XKR6: variants seen among roughly 807,000 people sequenced by gnomAD.
XKR6 encodes the protein XK related 6, also known as XK-related protein 6.
A neutral mutation model predicts 56.7 loss-of-function variants in XKR6; 22 were observed. The ratio of observed to expected loss-of-function variants is 0.39; its 90% confidence interval spans 0.28 to 0.55. The LOEUF (loss-of-function observed/expected upper bound fraction) is 0.55, where lower values mean the gene tolerates loss of function less well. Ranked by LOEUF, XKR6 falls within the 20% of genes least tolerant of loss-of-function variation. The pLI is 0.66. For missense variants in XKR6, 852 were observed against 889.0 expected (o/e 0.96, Z 0.53); for synonymous variants, 524 against 387.8 (o/e 1.35, Z -4.13).
intron 1 of XKR6, among the ~76,000 whole-genome samples, chr8:10,955,502 A>G (rs979711881): frequency 2.0e-5 from 3 of 152,126 alleles, no homozygotes; most frequent in Non-Finnish European, 4.4e-5. Flanking sequence ...TCAAGGTAAC[A>G]TTTCTGCAGT....
chr8:11,137,072 T>C (rs1240534576), intron 1 of XKR6: 1 of 153,544 alleles, frequency 6.5e-6, no homozygotes, highest in Non-Finnish European at 1.4e-5. Context: ...GTGCGTGAAA[T>C]TTGTAAATAA....
chr8:10,956,445 G>C (rs1215285659), intron 1 of XKR6, among the ~76,000 whole-genome samples: 2 of 152,152 alleles, frequency 1.3e-5, no homozygotes, highest in Admixed American at 1.3e-4. Flanking sequence ...CTACCCCTTA[G>C]AGAGGTTCCC....
In XKR6 at chr8:11,096,355, A is replaced by T. The variant is rs543178676; in HGVS notation, c.764+104221T>A. 1.6e-4 allele frequency among the ~76,000 whole-genome samples: 25 copies of T among 152,338 alleles called. No homozygotes were observed. The South Asian group carries it at 5.0e-3, about 30-fold the overall frequency. ...CAAATACTTTTAAATCTTATCTCAAAATTTGGTGGAACATTCAAATAGTTT... is the reference window on the plus strand; with the variant it reads ...CAAATACTTTTAAATCTTATCTCAATATTTGGTGGAACATTCAAATAGTTT... On this transcript the variant is annotated intron_variant, in intron 1 of 2. Coordinates refer to ENST00000416569, the MANE Select transcript of XKR6 (RefSeq NM_173683.4).
At chr8:10,960,451 TTAAAG>T (rs1802029518) in intron 1 of XKR6, among the ~76,000 whole-genome samples, 1 of 152,326 alleles carries the variant, frequency 6.6e-6, no homozygotes, top group African/African-American at 2.4e-5. Context: ...AGGAAAATGA[TTAAAG>T]TAAGAGAGAC....
intron 1 of XKR6, among the ~76,000 whole-genome samples, chr8:11,059,878 A>G (rs1374005459): frequency 6.6e-6 from 1 of 152,146 alleles, no homozygotes; most frequent in African/African-American, 2.4e-5. Context: ...TGGCACCTAA[A>G]AAACAACGCT....
intron 1 of XKR6, among the ~76,000 whole-genome samples, chr8:11,074,129 C>G (rs553108109): frequency 1.3e-5 from 2 of 152,368 alleles, no homozygotes; most frequent in East Asian, 3.9e-4. Flanking sequence ...AGCTTTGAGC[C>G]TATTCTTAGA....
chr8:10,914,898 A>G (rs1358751155), intron 2 of XKR6, among the ~76,000 whole-genome samples: 6 of 152,146 alleles, frequency 3.9e-5, no homozygotes, highest in Non-Finnish European at 8.8e-5. Context: ...CCCTTTGCTC[A>G]AGGCCTTTGT....
At position 11,050,347 on chromosome 8, in the gene XKR6, C is replaced by A. The variant is rs1423934443; in HGVS notation, c.765-125517G>T. ...CCTGGTTGGAGCGAGTCACTTCGTC[C>A]CTCCAAGCCCCACGATCTCCTCATC... On this transcript the variant is annotated intron_variant, in intron 1 of 2. Transcript: ENST00000416569. Among the ~76,000 whole-genome samples, 4 of 148,016 alleles carry A rather than the reference C, an allele frequency of 2.7e-5. No homozygotes were observed. In the East Asian group the frequency reaches 6.6e-4, roughly 24 times the overall value.
rs533587997 is a variant in XKR6, at chr8:11,005,846, T to C, written c.765-81016A>G. The stretch of plus-strand genomic sequence containing the variant: ...AAAAATATTTTTTCTTTCTTTCTTT[T>C]TTTTTTTTTTTTTTTGAGATGGAGT... On this transcript the variant is annotated intron_variant, in intron 1 of 2. Transcript: ENST00000416569. Among the ~76,000 whole-genome samples, 979 of 146,148 alleles carry C rather than the reference T, an allele frequency of 6.7e-3. 7 individuals are homozygous for C. Among genetic ancestry groups the C allele is most frequent in the African/African-American group, 0.023 (924 of 39,904 alleles).
intron 1 of XKR6, among the ~76,000 whole-genome samples, chr8:11,032,808 G>C (rs1351734771): frequency 1.3e-5 from 2 of 152,204 alleles, no homozygotes; most frequent in African/African-American, 4.8e-5. Flanking sequence ...CTCCTGAGAA[G>C]ACTAAAGGAG....
At chr8:11,055,815 G>T (rs551644460) in intron 1 of XKR6, among the ~76,000 whole-genome samples, 2 of 152,004 alleles carry the variant, frequency 1.3e-5, no homozygotes, top group Admixed American at 6.5e-5. Context: ...GAAAGCCATG[G>T]GTCGGGGGTG....
At chr8:11,155,345 G>A (rs900144998) in intron 1 of XKR6, among the ~76,000 whole-genome samples, 13 of 152,074 alleles carry the variant, frequency 8.5e-5, no homozygotes, top group Non-Finnish European at 1.6e-4. Flanking sequence ...AAACTGAAGG[G>A]AAAAATTTGT....
chr8:10,962,807 G>C (rs1274998990), intron 1 of XKR6, among the ~76,000 whole-genome samples: 1 of 151,996 alleles, frequency 6.6e-6, no homozygotes, highest in Admixed American at 6.6e-5. Flanking sequence ...ATTTTTAGTA[G>C]AGATGGGGTC....
chr8:10,970,293 G>A (rs1427580874), intron 1 of XKR6, among the ~76,000 whole-genome samples: 1 of 152,190 alleles, frequency 6.6e-6, no homozygotes, highest in African/African-American at 2.4e-5. Flanking sequence ...TAGGGGATGG[G>A]TACTGAGGTC....
intron 1 of XKR6, among the ~76,000 whole-genome samples, chr8:10,995,525 C>T (rs56052312): frequency 0.47 from 68,513 of 146,882 alleles, 20,058 homozygotes; most frequent in African/African-American, 0.83. Flanking sequence ...CACACACACA[C>T]ATATATATAT....
At chr8:11,059,921 G>C (rs1586490324) in intron 1 of XKR6, among the ~76,000 whole-genome samples, 2 of 152,218 alleles carry the variant, frequency 1.3e-5, no homozygotes, top group East Asian at 3.9e-4. Context: ...CAGGATGGGT[G>C]TTAGGCATTT....
At chr8:11,184,420 CTTA>C (rs1169941011) in intron 1 of XKR6, among the ~76,000 whole-genome samples, 1 of 145,590 alleles carries the variant, frequency 6.9e-6, no homozygotes, top group East Asian at 2.0e-4. Flanking sequence ...CACACACACA[CTTA>C]TATTACATTT....
intron 1 of XKR6, among the ~76,000 whole-genome samples, chr8:11,029,328 C>T (rs1008219507): frequency 3.9e-5 from 6 of 152,116 alleles, no homozygotes; most frequent in African/African-American, 7.2e-5. Context: ...CCCTCATATT[C>T]GCTGGTAGGG....
At position 10,997,854 on chromosome 8, in the gene XKR6, C is replaced by T. The variant is rs138880901; in HGVS notation, c.765-73024G>A. ...TGGAACTGTGGACTAGAATGTCAGG[C>T]ACAACCGGGGTCAGAGGGGGAAGGC... is the stretch of plus-strand genomic sequence containing the variant. On this transcript the variant is annotated intron_variant, in intron 1 of 2. Transcript: ENST00000416569. Among the ~76,000 whole-genome samples, 237 of 152,258 alleles carry T rather than the reference C, an allele frequency of 1.6e-3. 1 individual carries two copies. Among genetic ancestry groups the T allele is most frequent in the Middle Eastern group, 6.8e-3 (2 of 294 alleles).
Sources: gnomAD v4.1 joint callset for allele counts (sites outside exome capture counted in the v4.1 genomes callset) on GRCh38, gnomAD v4.1.1 for gene constraint, MANE v1.5 for transcripts, NCBI Gene and HGNC (gene_info 2026-07-23, HGNC 2026-07-21) for gene names.